Variants in RPS24 observed in about 807,000 individuals in gnomAD.
RPS24 encodes the protein ribosomal protein S24.
For missense variants in RPS24, 100 were observed against 162.5 expected (o/e 0.62, Z 2.09); for synonymous variants, 72 against 55.6 (o/e 1.30, Z -1.31).
intron 5 of RPS24, 53 bp downstream of exon 5, chr10:78,040,278 A>T: frequency 1.4e-6 from 2 of 1,452,686 alleles, no homozygotes; most frequent in Non-Finnish European, 1.9e-6. Context: ...TCCTTGGTGT[A>T]CTGACGTAGC....
At position 78,040,617 on chromosome 10, in the gene RPS24, G is replaced by A. The variant is rs139835535; in HGVS notation, c.*22G>A. On this transcript the variant is annotated splice_region_variant and 3_prime_UTR_variant, in exon 6 of 6. Coordinates refer to ENST00000372360, the MANE Select transcript of RPS24 (RefSeq NM_033022.4). ...AACTTCTTTCTCTTGATTCACAGCC[G>A]AAGGAGTAAAGGTGCTGCAATGATG... is the stretch of plus-strand genomic sequence containing the variant. The A allele has an allele frequency of 3.1e-6, 5 of 1,613,200 alleles. No individual in the cohort carries two copies. The highest frequency in any genetic ancestry group is 1.7e-4 in the Middle Eastern group (1 of 6,056).
rs774453804 is a variant in RPS24 at position 78,033,901 on chromosome 10, C to T, written c.-1C>T. On this transcript the variant is annotated 5_prime_UTR_variant, in exon 1 of 6. Transcript: ENST00000372360. The stretch of plus-strand genomic sequence containing the variant: ...TGGCTGTCTGAAGATAGATCGCCAT[C>T]ATGGTGAGTCTCCCTGGGCCCGTGC... 9 of 1,614,018 alleles carry T rather than the reference C, an allele frequency of 5.6e-6. No individual in the cohort carries two copies. The highest frequency in any genetic ancestry group is 1.3e-5 in the African/African-American group (1 of 74,942).
chr10:78,041,430 C>T (rs577807625), downstream of RPS24, among the ~76,000 whole-genome samples: 6 of 152,218 alleles, frequency 3.9e-5, no homozygotes, highest in East Asian at 5.8e-4. Context: ...CTGTGTACTT[C>T]GGTTTGTGGG....
intron 4 of RPS24, chr10:78,038,370 A>C (rs1227703280): frequency 1.3e-5 from 2 of 158,882 alleles, no homozygotes; most frequent in Non-Finnish European, 2.8e-5. Context: ...GGGCTCTCTT[A>C]TCCAAGGAGC....
At chr10:78,035,205 G>A (rs1847836550) in intron 1 of RPS24, 147 bp from the exon 2 acceptor site, 1 of 756,458 alleles carries the variant, frequency 1.3e-6, no homozygotes, top group Admixed American at 2.0e-5. Flanking sequence ...CTGTGAGTTT[G>A]GCCTTGCCCA....
At chr10:78,056,084 G>A (rs904420043) in exon 5 of RPS24, 1 of 152,514 alleles carries the variant, frequency 6.6e-6, no homozygotes, top group Non-Finnish European at 1.5e-5. Context: ...TTCTCTCTTT[G>A]TAGGGGAGGG....
chr10:78,036,113 A>G (rs779122672), intron 3 of RPS24: 11 of 318,258 alleles, frequency 3.5e-5, no homozygotes, highest in Non-Finnish European at 5.5e-5. Flanking sequence ...CTGAGTGTCA[A>G]ACACTGCAGA....
downstream of RPS24, among the ~76,000 whole-genome samples, chr10:78,043,997 A>G (rs947322767): frequency 5.9e-5 from 9 of 152,172 alleles, no homozygotes; most frequent in African/African-American, 2.2e-4. Context: ...ATCTCCCATC[A>G]AGAATGTGAA....
exon 5 of RPS24, chr10:78,054,635 G>C: frequency 6.4e-7 from 1 of 1,551,750 alleles, no homozygotes; most frequent in Non-Finnish European, 8.7e-7. Context: ...GGGGGGTTGT[G>C]TGGCAGGTAG....
intron 4 of RPS24, among the ~76,000 whole-genome samples, chr10:78,046,733 A>G (rs1170887680): frequency 6.6e-6 from 1 of 152,216 alleles, no homozygotes; most frequent in African/African-American, 2.4e-5. Flanking sequence ...GAGGTTAAGG[A>G]ACTTGGTTAA....
chr10:78,037,035 C>A (rs1338091079), intron 3 of RPS24, among the ~76,000 whole-genome samples, 159 bp from the exon 4 acceptor site: 1 of 152,132 alleles, frequency 6.6e-6, no homozygotes, highest in African/African-American at 2.4e-5. Flanking sequence ...CTTGATGATC[C>A]TTTCTGTTCC....
chr10:78,054,663 A>G (rs1000079968), exon 5 of RPS24: 1 of 1,551,702 alleles, frequency 6.4e-7, no homozygotes, highest in South Asian at 1.2e-5. Context: ...AGGACCGTGG[A>G]GCGTGTGGAC....
rs772511022 is a variant in RPS24 at position 78,035,540 on chromosome 10, G to A, written c.99G>A (p.Ala33=). 14 of 1,613,978 alleles carry A rather than the reference G, an allele frequency of 8.7e-6. No individual in the cohort carries two copies. The highest frequency in any genetic ancestry group is 2.2e-5 in the South Asian group (2 of 91,064). The change falls in exon 3 of 6, where the codon GCG becomes GCA. Residue 33 remains alanine, a synonymous_variant. Coordinates refer to ENST00000372360, the MANE Select transcript of RPS24 (RefSeq NM_033022.4). ...TTGATGTCCTTCACCCCGGGAAGGC[G>A]ACAGTGCCTAAGACAGAAATTCGGG... is the stretch of plus-strand genomic sequence containing the variant. The part of the protein sequence containing the change: ...MVIDVLHPGK[A]TVPKTEIREK...
exon 5 of RPS24, chr10:78,055,106 G>A: frequency 7.0e-7 from 1 of 1,433,928 alleles, no homozygotes. Flanking sequence ...GTGGAAATCG[G>A]AGTCACATGA....
At chr10:78,034,114 G>A (rs907561921) in intron 1 of RPS24, 3 of 650,388 alleles carry the variant, frequency 4.6e-6, no homozygotes, top group Admixed American at 4.9e-5. Context: ...CTGGGCTTCG[G>A]GCTCCAGCGC....
At chr10:78,049,467 C>T (rs547196607) in intron 4 of RPS24, among the ~76,000 whole-genome samples, 1 of 152,310 alleles carries the variant, frequency 6.6e-6, no homozygotes, top group Admixed American at 6.5e-5. Context: ...AGTGAGGTTG[C>T]TTATTAGCTC....
chr10:78,033,954 C>T (rs750077704), intron 1 of RPS24, 50 bp downstream of exon 1: 2 of 1,611,768 alleles, frequency 1.2e-6, no homozygotes, highest in East Asian at 2.2e-5. Flanking sequence ...CCGAGCCATC[C>T]GTGGTCCCTG....
At chr10:78,049,558 G>A (rs182953447) in intron 4 of RPS24, among the ~76,000 whole-genome samples, 8 of 152,324 alleles carry the variant, frequency 5.3e-5, no homozygotes, top group Admixed American at 2.0e-4. Context: ...GGGCCTAGAC[G>A]TTTTCTCTCT....
chr10:78,047,954 T>C (rs758821005), intron 4 of RPS24, among the ~76,000 whole-genome samples: 4 of 152,208 alleles, frequency 2.6e-5, no homozygotes, highest in Non-Finnish European at 4.4e-5. Context: ...TTAAGATCTC[T>C]GGCAAGACCC....
Sources: allele counts gnomAD v4.1 joint callset (sites outside exome capture counted in the v4.1 genomes callset), GRCh38; gene constraint gnomAD v4.1.1; transcripts MANE v1.5; gene names NCBI Gene and HGNC (gene_info 2026-07-23, HGNC 2026-07-21).